The following NPAT variants were observed in gnomAD, a reference collection of about 807,000 sequenced individuals.
NPAT encodes the protein nuclear protein, coactivator of histone transcription, also known as protein NPAT.
Under a neutral mutation model 130.7 loss-of-function variants are expected in NPAT, and 52 were observed. The observed-to-expected ratio is 0.40, with a 90% CI of 0.32 to 0.50. The LOEUF (loss-of-function observed/expected upper bound fraction) is 0.50. Ranked by LOEUF, NPAT falls within the 20% of genes least tolerant of loss-of-function variation. The probability of loss-of-function intolerance (pLI) is 0.68; values close to 1 mark genes in which losing one functional copy is unlikely to be tolerated. For missense variants in NPAT, 1,687 were observed against 1,662.6 expected, an observed-to-expected ratio of 1.01 and a Z score of -0.26; for synonymous variants, 580 against 584.8, an observed-to-expected ratio of 0.99 and a Z score of 0.12.
chr11:108,165,470 A>ATG (rs1196381941), intron 15 of NPAT, among the ~76,000 whole-genome samples: 4 of 117,862 alleles, frequency 3.4e-5, no homozygotes, highest in South Asian at 2.7e-4. Flanking sequence ...ATATATATAT[A>ATG]TATTTTTTTT....
chr11:108,204,903 G>A (rs2078311068), intron 1 of NPAT, among the ~76,000 whole-genome samples: 1 of 152,136 alleles, frequency 6.6e-6, no homozygotes. Flanking sequence ...AAAGCATAAT[G>A]GAAATCCTAG....
At position 108,173,682 on chromosome 11, in the gene NPAT, A is replaced by T; in HGVS notation, c.1302T>A (p.Thr434=). 6.2e-7 allele frequency: 1 copy of T among 1,614,178 alleles called. No individual in the cohort carries two copies. The highest frequency in any genetic ancestry group is 8.5e-7 in the Non-Finnish European group (1 of 1,180,030). ...TAATGTCAATGTCACACTTCTGTTC[A>T]GTGGGTACAGCTGTTTTAAAGGCCT... ...QKKAFKTAVP[T]EQKCDIDITF... is the part of the protein sequence containing the mutation. Residue 434 remains threonine (T), a synonymous_variant, in exon 13 of 18, where the codon ACT becomes ACA. Transcript: ENST00000278612.
chr11:108,196,009 T>C (rs1351108476), intron 2 of NPAT, among the ~76,000 whole-genome samples: 1 of 152,258 alleles, frequency 6.6e-6, no homozygotes, highest in Admixed American at 6.5e-5. Context: ...TTTGCCTTTA[T>C]AGCCCATGCT....
At chr11:108,165,835 G>GT (rs1414088895) in intron 15 of NPAT, among the ~76,000 whole-genome samples, 1 of 151,526 alleles carries the variant, frequency 6.6e-6, no homozygotes, top group Non-Finnish European at 1.5e-5. Context: ...GGGTTTCACC[G>GT]TATCAGCCAG....
chr11:108,192,276 G>C, intron 3 of NPAT, 86 bp from the exon 4 acceptor site: 2 of 862,820 alleles, frequency 2.3e-6, no homozygotes, highest in Admixed American at 3.4e-5. Flanking sequence ...AAAAAACCTT[G>C]TCTCTCAATT....
chr11:108,184,785 C>T (rs1339091304), intron 10 of NPAT, among the ~76,000 whole-genome samples: 1 of 152,192 alleles, frequency 6.6e-6, no homozygotes, highest in Non-Finnish European at 1.5e-5. Context: ...CCCTCCTTGG[C>T]CTGCCAAAGT....
intron 13 of NPAT, chr11:108,171,271 G>A (rs1196541334): frequency 6.6e-6 from 1 of 150,996 alleles, no homozygotes; most frequent in East Asian, 2.0e-4. Context: ...GGGATTACAG[G>A]TGCCCACCAC....
chr11:108,217,001 C>T lies in NPAT; in HGVS notation c.37+5499G>A, dbSNP rs2078441290. ...CATTTTGTTCAATGTTTTTGTTATA[C>T]TGCTGATGAGAGAAAAAAATCAATT... is the stretch of plus-strand genomic sequence containing the variant. On this transcript the variant is annotated intron_variant, in intron 1 of 17. Coordinates refer to ENST00000278612, the MANE Select transcript of NPAT (RefSeq NM_002519.3). Among the ~76,000 whole-genome samples, 3 of 152,238 alleles carry T rather than the reference C, an allele frequency of 2.0e-5. No individual in the cohort carries two copies. The South Asian group carries it at 6.2e-4, about 32-fold the overall frequency.
chr11:108,208,729 A>G (rs1175632988), intron 1 of NPAT: 2 of 265,512 alleles, frequency 7.5e-6, no homozygotes, highest in South Asian at 6.5e-5. Context: ...TCTATACCAC[A>G]CTTTCAGTAA....
chr11:108,158,506 T>C lies in NPAT; in HGVS notation c.*436A>G, dbSNP rs1234813445. 5.0e-5 allele frequency: 8 copies of C among 160,602 alleles called. No homozygotes were observed. Among genetic ancestry groups the C allele is most frequent in the Non-Finnish European group, 9.6e-5 (7 of 73,216 alleles). The allele number at this position is 160,602 out of a possible 1,614,324, so 9.9% of individuals were successfully genotyped here. ...GTATTTAAATGTCTTATTGAATAGT[T>C]ACTGAAGGTAATTTATAAGAATAAG... On this transcript the variant is annotated 3_prime_UTR_variant, in exon 18 of 18. Coordinates refer to ENST00000278612, the MANE Select transcript of NPAT (RefSeq NM_002519.3).
At chr11:108,199,359 G>A (rs2078253243) in intron 1 of NPAT, among the ~76,000 whole-genome samples, 1 of 152,240 alleles carries the variant, frequency 6.6e-6, no homozygotes, top group African/African-American at 2.4e-5. Flanking sequence ...GAAGCAGTCT[G>A]CTGGGTCAAG....
rs1199408914 is a variant in NPAT, at chr11:108,172,714, G to T, written c.2270C>A (p.Thr757Asn). The change falls in exon 13 of 18, where the codon ACC becomes AAC. Residue 757 changes from threonine to asparagine, a missense_variant. Thr to Asn is a moderately conservative substitution (Grantham distance 65, BLOSUM62 0). Transcript: ENST00000278612. Reference sequence around the variant, plus strand: ...TCCATTAATACTAGAAACAGCACTGGTAAGTTCAGTATCTGAGGAAACAAA... The same window carrying T: ...TCCATTAATACTAGAAACAGCACTGTTAAGTTCAGTATCTGAGGAAACAAA... ...DPFVSSDTEL[T>N]SAVSSINGEN... 4 of 1,613,470 alleles carry T rather than the reference G, an allele frequency of 2.5e-6. No homozygotes were observed. The highest frequency in any genetic ancestry group is 1.6e-4 in the Middle Eastern group (1 of 6,082).
At chr11:108,217,583 GTTTA>G (rs1409446391) in intron 1 of NPAT, among the ~76,000 whole-genome samples, 1 of 152,130 alleles carries the variant, frequency 6.6e-6, no homozygotes, top group Non-Finnish European at 1.5e-5. Context: ...CCTACAAAAT[GTTTA>G]TTTATCATCA....
At chr11:108,174,279 C>T (rs2077983460) in intron 12 of NPAT, among the ~76,000 whole-genome samples, 1 of 152,020 alleles carries the variant, frequency 6.6e-6, no homozygotes, top group Non-Finnish European at 1.5e-5. Flanking sequence ...CCCAACTTAT[C>T]TGACATATTC....
Position 108,197,388 on chromosome 11 carries a change from A to C in NPAT, c.70T>G (p.Cys24Gly). 1 of 1,612,762 alleles carries C rather than the reference A, an allele frequency of 6.2e-7. No homozygotes were observed. The highest frequency in any genetic ancestry group is 8.5e-7 in the Non-Finnish European group (1 of 1,178,788). ...GAACTTTCCAAAATAAAAGTCTGGC[A>C]GGTAGAAATGAGGTTTTCTTGCTGT... The part of the protein sequence containing the change: ...YLQQENLIST[C>G]QTFILESSDL... The change falls in exon 2 of 18, where the codon TGC becomes GGC. Residue 24 changes from cysteine to glycine, a missense_variant. Cys to Gly is a radical substitution (Grantham distance 159, BLOSUM62 -3). This residue lies in a region of NPAT where 307 missense variants were observed against 298.9 expected (regional missense o/e 1.03). Coordinates refer to ENST00000278612, the MANE Select transcript of NPAT (RefSeq NM_002519.3).
chr11:108,218,338 T>C (rs2078453350), intron 1 of NPAT, among the ~76,000 whole-genome samples: 1 of 152,200 alleles, frequency 6.6e-6, no homozygotes. Flanking sequence ...GGGTATTTTT[T>C]CTTCCTACTT....
At chr11:108,170,092 G>A in intron 13 of NPAT, 49 bp from the exon 14 acceptor site, 1 of 1,235,432 alleles carries the variant, frequency 8.1e-7, no homozygotes, top group Non-Finnish European at 1.2e-6. Flanking sequence ...AAATGTTTTG[G>A]CACAAAACAA....
At chr11:108,212,941 G>T (rs2134898468) in intron 1 of NPAT, among the ~76,000 whole-genome samples, 1 of 63,914 alleles carries the variant, frequency 1.6e-5, no homozygotes, top group African/African-American at 7.5e-5. Flanking sequence ...GCAAGACTCT[G>T]TCTCAAAAAA....
In NPAT at chr11:108,158,671, T is replaced by G. The variant is rs1591380540; in HGVS notation, c.*271A>C. The G allele has an allele frequency of 5.5e-6, 2 of 364,910 alleles. No individual in the cohort carries two copies. The highest frequency in any genetic ancestry group is 8.7e-5 in the Admixed American group (2 of 22,876). 22.6% of individuals were successfully genotyped at this position (364,910 alleles called of 1,614,324 possible). A position where few individuals can be genotyped will look rare whatever the true frequency, so the allele number is the denominator to read the frequency against. ...ATTTCAACAAGATTTACACAGTATT[T>G]ACAATATGGAATTGTCAAAGCTATA... On this transcript the variant is annotated 3_prime_UTR_variant, in exon 18 of 18. Coordinates refer to ENST00000278612, the MANE Select transcript of NPAT (RefSeq NM_002519.3).
Sources: gnomAD v4.1 joint callset for allele counts (sites outside exome capture counted in the v4.1 genomes callset) on GRCh38, gnomAD v4.1.1 for gene constraint, gnomAD v4.1.1 regional missense constraint, MANE v1.5 for transcripts, NCBI Gene and HGNC (gene_info 2026-07-23, HGNC 2026-07-21) for gene names.